ACACB: variants seen among roughly 807,000 people sequenced by gnomAD.
ACACB encodes the protein acetyl-CoA carboxylase 2.
ACACB carries 209 observed loss-of-function variants against 278.8 expected under a neutral mutation model. The ratio of observed to expected loss-of-function variants is 0.75; its 90% confidence interval spans 0.67 to 0.84. ACACB has a LOEUF of 0.84. Among genes scored for constraint, ACACB ranks in the 40% least tolerant of loss-of-function variants. The pLI is 0.00. For missense variants in ACACB, 2,850 were observed against 3,269.0 expected, an observed-to-expected ratio of 0.87 and a Z score of 3.13; for synonymous variants, 1,174 against 1,285.6, an observed-to-expected ratio of 0.91 and a Z score of 1.86.
chr12:109,261,310 C>T (rs1042616629), intron 48 of ACACB, among the ~76,000 whole-genome samples: 2 of 152,214 alleles, frequency 1.3e-5, no homozygotes, highest in Non-Finnish European at 2.9e-5. Context: ...GATTACCTCA[C>T]TGTATGCCAG....
chr12:109,186,763 C>T (rs2044677514), intron 12 of ACACB, among the ~76,000 whole-genome samples: 1 of 152,038 alleles, frequency 6.6e-6, no homozygotes, highest in Admixed American at 6.6e-5. Context: ...GAACCAAACA[C>T]CAACTCTGGT....
chr12:109,243,050 C>G (rs977581340), intron 37 of ACACB, among the ~76,000 whole-genome samples: 2 of 152,046 alleles, frequency 1.3e-5, no homozygotes, highest in East Asian at 1.9e-4. Flanking sequence ...CCAAATAAGA[C>G]TAATTTATCC....
At chr12:109,172,954 T>C (rs2044166098) in intron 6 of ACACB, among the ~76,000 whole-genome samples, 1 of 152,196 alleles carries the variant, frequency 6.6e-6, no homozygotes. Flanking sequence ...AAAGAAAATG[T>C]GGTACATATA....
the ACACB span, chr12:109,111,210 C>T: frequency 6.6e-6 from 1 of 152,448 alleles, no homozygotes; most frequent in Non-Finnish European, 1.5e-5. Context: ...TGGAGCAGCG[C>T]CCCAACTCCG....
At chr12:109,196,889 G>T (rs1189821607) in intron 16 of ACACB, 119 bp from the exon 17 acceptor site, 2 of 1,172,708 alleles carry the variant, frequency 1.7e-6, no homozygotes, top group African/African-American at 3.3e-5. Flanking sequence ...GAGAGACGGG[G>T]GTGTTCATCT....
chr12:109,164,473 C>G (rs945662535), intron 2 of ACACB, among the ~76,000 whole-genome samples: 1 of 152,124 alleles, frequency 6.6e-6, no homozygotes, highest in African/African-American at 2.4e-5. Context: ...CTCAAGTGAT[C>G]TACCCACCTC....
intron 2 of ACACB, among the ~76,000 whole-genome samples, chr12:109,161,686 T>G (rs1233872248): frequency 1.3e-5 from 2 of 151,922 alleles, no homozygotes; most frequent in Admixed American, 1.3e-4. Context: ...ACAGAAAATT[T>G]GGTGTATATA....
chr12:109,236,008 G>T, intron 33 of ACACB: 1 of 180,912 alleles, frequency 5.5e-6, no homozygotes, highest in East Asian at 1.5e-4. Flanking sequence ...CAAAAAAAAG[G>T]AAAAAAAAGA....
In ACACB at chr12:109,268,095, C is replaced by T. The variant is rs576950125; in HGVS notation, c.*1733C>T. On this transcript the variant is annotated 3_prime_UTR_variant, in exon 53 of 53. Coordinates refer to ENST00000338432, the MANE Select transcript of ACACB (RefSeq NM_001093.4). The surrounding 1 kb of genome is among the most constrained non-coding windows in gnomAD (Gnocchi z 4.2). ...GGAAGAATCGATGCTGCTTTGGGAA[C>T]TGAAGGTTTTTCTGTTGGGAAGGCC... 1 of 152,146 alleles carries T rather than the reference C, an allele frequency of 6.6e-6. No homozygotes were observed. Among genetic ancestry groups the T allele is most frequent in the Non-Finnish European group, 1.5e-5 (1 of 68,044 alleles). The allele number at this position is 152,146 out of a possible 1,614,324, so 9.4% of individuals were successfully genotyped here. A position where few individuals can be genotyped will look rare whatever the true frequency, so the allele number is the denominator to read the frequency against.
At chr12:109,112,810 A>G (rs1385182921), upstream of ACACB, among the ~76,000 whole-genome samples, 1 of 151,940 alleles carries the variant, frequency 6.6e-6, no homozygotes, top group Non-Finnish European at 1.5e-5. Flanking sequence ...GCAAAGATGC[A>G]TAAAAGGCAG....
At chr12:109,117,983 C>T (rs1364697737) in intron 1 of ACACB, among the ~76,000 whole-genome samples, 4 of 152,170 alleles carry the variant, frequency 2.6e-5, no homozygotes, top group African/African-American at 9.7e-5. Flanking sequence ...CTCCTGACCT[C>T]AAGTGATCCG....
chr12:109,188,279 C>T, intron 13 of ACACB, 117 bp downstream of exon 13: 1 of 1,099,722 alleles, frequency 9.1e-7, no homozygotes, highest in Non-Finnish European at 1.3e-6. Flanking sequence ...CTCCTCCCTT[C>T]CTTTCTTCTT....
At chr12:109,135,009 T>C (rs1034258133) in intron 1 of ACACB, among the ~76,000 whole-genome samples, 1 of 152,242 alleles carries the variant, frequency 6.6e-6, no homozygotes, top group Admixed American at 6.5e-5. Flanking sequence ...GTCGTTGTTT[T>C]CAATTCTTTT....
intron 1 of ACACB, among the ~76,000 whole-genome samples, chr12:109,128,982 T>C (rs922051242): frequency 3.3e-5 from 5 of 151,962 alleles, no homozygotes; most frequent in Non-Finnish European, 7.4e-5. Flanking sequence ...GCTTATTTAT[T>C]TGTGGCCTGG....
intron 1 of ACACB, among the ~76,000 whole-genome samples, chr12:109,127,695 T>C (rs563958151): frequency 4.6e-5 from 7 of 152,296 alleles, no homozygotes; most frequent in South Asian, 4.1e-4. Flanking sequence ...GTTGCAATTA[T>C]TTTGCTGTCC....
intron 20 of ACACB, 47 bp from the exon 21 acceptor site, chr12:109,209,118 C>A: frequency 3.9e-6 from 6 of 1,534,700 alleles, no homozygotes; most frequent in Non-Finnish European, 5.3e-6. Context: ...GCGGTGGTGC[C>A]CATGCCCATG....
At chr12:109,210,485 G>GTA (rs1233188296) in intron 21 of ACACB, among the ~76,000 whole-genome samples, 3 of 145,542 alleles carry the variant, frequency 2.1e-5, no homozygotes, top group East Asian at 4.1e-4. Context: ...GTGTATATGT[G>GTA]TATATATACA....
chr12:109,262,449 A>G lies in ACACB; in HGVS notation c.6767A>G (p.Lys2256Arg). ...KSMRRIDPAY[K>R]KLMEQLGEPD... ...ATGAGAAGGATCGATCCAGCTTACA[A>G]GAAGCTCATGGAACAGCTAGGTAAG... is the stretch of plus-strand genomic sequence containing the variant. The change falls in exon 49 of 53, where the codon AAG (lysine) becomes AGG (arginine). Residue 2256 changes from lysine (K) to arginine (R), a missense_variant. Coordinates refer to ENST00000338432, the MANE Select transcript of ACACB (RefSeq NM_001093.4). 6.2e-7 allele frequency: 1 copy of G among 1,613,658 alleles called. No individual in the cohort carries two copies. Among genetic ancestry groups the G allele is most frequent in the South Asian group, 1.1e-5 (1 of 90,886 alleles).
rs770693613 is a variant in ACACB at position 109,246,359 on chromosome 12, G to A, written c.5482G>A (p.Ala1828Thr). 2 of 1,613,268 alleles carry A rather than the reference G, an allele frequency of 1.2e-6. No homozygotes were observed. Among genetic ancestry groups the A allele is most frequent in the Non-Finnish European group, 1.7e-6 (2 of 1,179,868 alleles). Residue 1828 changes from alanine (A) to threonine (T), a missense_variant, in exon 39 of 53, where the codon GCA (alanine) becomes ACA (threonine). Ala to Thr is a moderately conservative substitution (Grantham distance 58). Coordinates refer to ENST00000338432, the MANE Select transcript of ACACB (RefSeq NM_001093.4). ...AGAGGGCATTCCCAAAATTTACGTG[G>A]CAGCCAACAGTGGCGCCCGTATTGG... The part of the protein sequence containing the change: ...RAEGIPKIYV[A>T]ANSGARIGMA...
Sources: allele counts gnomAD v4.1 joint callset (sites outside exome capture counted in the v4.1 genomes callset), GRCh38; gene constraint gnomAD v4.1.1; non-coding constraint Gnocchi (gnomAD v3.1); transcripts MANE v1.5; gene names NCBI Gene and HGNC (gene_info 2026-07-23, HGNC 2026-07-21).